The following ZCCHC7 variants were observed in gnomAD, a reference collection of about 807,000 sequenced individuals.
ZCCHC7 encodes the protein zinc finger CCHC domain-containing protein 7.
In ZCCHC7, 35 loss-of-function variants were observed where a neutral mutation model predicts 52.0. The ratio of observed to expected loss-of-function variants is 0.67; its 90% CI spans 0.51 to 0.89. The LOEUF is 0.89. Ranked by LOEUF, ZCCHC7 falls within the 40% of genes least tolerant of loss-of-function variation. The pLI is 0.00. For missense variants in ZCCHC7, 574 were observed against 649.1 expected, an observed-to-expected ratio of 0.88 and a Z score of 1.26; for synonymous variants, 217 against 221.5, an observed-to-expected ratio of 0.98 and a Z score of 0.18.
chr9:37,150,254 T>C (rs1820444506), intron 2 of ZCCHC7, among the ~76,000 whole-genome samples: 1 of 152,180 alleles, frequency 6.6e-6, no homozygotes, highest in Non-Finnish European at 1.5e-5. Flanking sequence ...TCATTGATCT[T>C]CTAGATGTTG....
intron 2 of ZCCHC7, among the ~76,000 whole-genome samples, chr9:37,174,394 G>C (rs533134461): frequency 2.0e-5 from 3 of 152,168 alleles, no homozygotes; most frequent in Non-Finnish European, 4.4e-5. Context: ...TGAGTGCAAA[G>C]TATGTTTTTT....
intron 1 of ZCCHC7, among the ~76,000 whole-genome samples, chr9:37,121,230 A>T (rs569680632): frequency 6.6e-6 from 1 of 152,248 alleles, no homozygotes; most frequent in African/African-American, 2.4e-5. Flanking sequence ...TGTGGCTGGG[A>T]ATCAGGAGGC....
At chr9:37,184,942 A>G (rs1822570023) in intron 2 of ZCCHC7, among the ~76,000 whole-genome samples, 1 of 152,194 alleles carries the variant, frequency 6.6e-6, no homozygotes, top group Admixed American at 6.5e-5. Context: ...GAGGACTATT[A>G]TGTCTTTTAG....
At position 37,343,463 on chromosome 9, in the gene ZCCHC7, C is replaced by T. The variant is rs188549358; in HGVS notation, c.988-5894C>T. ...TATTTGCTCTTTCATCTATTATCTCCGTATTCCTCGCAGTGTCTATTACAA... is the reference window on the plus strand; with the variant it reads ...TATTTGCTCTTTCATCTATTATCTCTGTATTCCTCGCAGTGTCTATTACAA... On this transcript the variant is annotated intron_variant, in intron 6 of 8. Transcript: ENST00000336755. Among the ~76,000 whole-genome samples, 6 of 152,246 alleles carry T rather than the reference C, an allele frequency of 3.9e-5. No homozygotes were observed. In the East Asian group the frequency reaches 9.7e-4, roughly 25 times the overall value.
At chr9:37,349,768 C>T (rs1414066672) in intron 7 of ZCCHC7, among the ~76,000 whole-genome samples, 1 of 152,088 alleles carries the variant, frequency 6.6e-6, no homozygotes. Flanking sequence ...ATTGCTTTGA[C>T]ACCGCCATAG....
chr9:37,258,572 C>T (rs941997952), intron 2 of ZCCHC7, among the ~76,000 whole-genome samples: 1 of 151,626 alleles, frequency 6.6e-6, no homozygotes, highest in Non-Finnish European at 1.5e-5. Context: ...ACCTGGGCAA[C>T]ATGGTGGGAC....
At chr9:37,121,379 A>G (rs1842309256) in intron 1 of ZCCHC7, among the ~76,000 whole-genome samples, 1 of 152,160 alleles carries the variant, frequency 6.6e-6, no homozygotes, top group Non-Finnish European at 1.5e-5. Flanking sequence ...TCAGTGAATA[A>G]GTTTCTCTGA....
At position 37,126,608 on chromosome 9, in the gene ZCCHC7, C is replaced by T. The variant is rs755144043; in HGVS notation, c.276C>T (p.Ile92=). 6.2e-7 allele frequency: 1 copy of T among 1,614,154 alleles called. No homozygotes were observed. Among genetic ancestry groups the T allele is most frequent in the Non-Finnish European group, 8.5e-7 (1 of 1,180,022 alleles). The change falls in exon 2 of 9, where the codon ATC becomes ATT. Residue 92 remains isoleucine, a synonymous_variant. Coordinates refer to ENST00000336755, the MANE Select transcript of ZCCHC7 (RefSeq NM_032226.3). ...AGCTGTCAGATGGGTCAGAGGTCAT[C>T]ACTTTGTCTGATGAAGACAGTATTT... ...VIQLSDGSEV[I]TLSDEDSIYR...
intron 2 of ZCCHC7, among the ~76,000 whole-genome samples, chr9:37,167,271 TTC>T (rs1821476325): frequency 6.6e-6 from 1 of 151,960 alleles, no homozygotes; most frequent in African/African-American, 2.4e-5. Context: ...TTTTTTTTTT[TTC>T]TTTTTTCCTT....
intron 5 of ZCCHC7, among the ~76,000 whole-genome samples, chr9:37,306,914 A>G (rs1252759176): frequency 6.7e-6 from 1 of 150,244 alleles, no homozygotes. Flanking sequence ...CAGCCTCCCA[A>G]GTAGCTGGGA....
intron 2 of ZCCHC7, among the ~76,000 whole-genome samples, chr9:37,282,567 T>C (rs1462108900): frequency 6.6e-5 from 9 of 136,488 alleles, no homozygotes; most frequent in Non-Finnish European, 1.1e-4. Flanking sequence ...ATCCTGCCAC[T>C]GCATTCCAGC....
At chr9:37,141,663 T>G (rs1843232624) in intron 2 of ZCCHC7, among the ~76,000 whole-genome samples, 1 of 151,920 alleles carries the variant, frequency 6.6e-6, no homozygotes. Context: ...AAATCTTTAA[T>G]TTAAATATTA....
chr9:37,190,200 C>T (rs1258828802), intron 2 of ZCCHC7, among the ~76,000 whole-genome samples: 1 of 152,226 alleles, frequency 6.6e-6, no homozygotes, highest in Admixed American at 6.5e-5. Context: ...GAGTTTTAGA[C>T]TTCTGCAGAC....
At chr9:37,137,186 G>T (rs572549087) in intron 2 of ZCCHC7, among the ~76,000 whole-genome samples, 1 of 152,308 alleles carries the variant, frequency 6.6e-6, no homozygotes, top group South Asian at 2.1e-4. Flanking sequence ...TGTAAAACCA[G>T]AGTTAAATGC....
At position 37,305,571 on chromosome 9, in the gene ZCCHC7, A is replaced by T; in HGVS notation, c.808A>T (p.Arg270Trp). 6.2e-7 allele frequency: 1 copy of T among 1,614,046 alleles called. No individual in the cohort carries two copies. The change falls in exon 5 of 9, where the codon AGG (arginine) becomes TGG (tryptophan). Residue 270 changes from arginine (R) to tryptophan (W), a missense_variant. Arg to Trp is a moderately radical substitution (Grantham distance 101, BLOSUM62 -3). This residue lies in a region of ZCCHC7 where 403 missense variants were observed against 461.2 expected (regional missense o/e 0.87). Transcript: ENST00000336755. ...AGTTCGTCGCTGCTTCCTGTGCTCC[A>T]GGAGAGGACATCTCCTGTATTCCTG... ...RKVRRCFLCS[R>W]RGHLLYSCPA...
chr9:37,154,400 T>G (rs1820698583), intron 2 of ZCCHC7, among the ~76,000 whole-genome samples: 1 of 152,222 alleles, frequency 6.6e-6, no homozygotes, highest in Non-Finnish European at 1.5e-5. Flanking sequence ...AGGTGTCATG[T>G]AGGCAAGAAT....
At chr9:37,182,498 A>G (rs1241814327) in intron 2 of ZCCHC7, among the ~76,000 whole-genome samples, 2 of 151,820 alleles carry the variant, frequency 1.3e-5, no homozygotes, top group Non-Finnish European at 2.9e-5. Context: ...TTGAGTAGCC[A>G]GGATTACAGG....
intron 2 of ZCCHC7, among the ~76,000 whole-genome samples, chr9:37,257,215 T>C (rs1033456958): frequency 2.0e-5 from 3 of 152,190 alleles, no homozygotes; most frequent in African/African-American, 7.2e-5. Flanking sequence ...CACAGATTCT[T>C]TTCCAGGCTA....
chr9:37,223,331 A>T (rs1824925133), intron 2 of ZCCHC7, among the ~76,000 whole-genome samples: 1 of 152,200 alleles, frequency 6.6e-6, no homozygotes, highest in African/African-American at 2.4e-5. Context: ...TGAAAATCTA[A>T]TACATGGTAC....
Sources: gnomAD v4.1 joint callset for allele counts (sites outside exome capture counted in the v4.1 genomes callset) on GRCh38, gnomAD v4.1.1 for gene constraint, gnomAD v4.1.1 regional missense constraint, MANE v1.5 for transcripts, NCBI Gene and HGNC (gene_info 2026-07-23, HGNC 2026-07-21) for gene names.